Variants in DVL1 observed in about 807,000 individuals in gnomAD.
DVL1 encodes the protein segment polarity protein dishevelled homolog DVL-1.
In DVL1, 49 loss-of-function variants were observed where a neutral mutation model predicts 65.0. That is an observed-to-expected ratio of 0.75 (90% CI 0.60 to 0.96). DVL1 has a LOEUF of 0.96. DVL1 is among the 40% of genes least tolerant of loss of function. The probability of loss-of-function intolerance (pLI) is 0.00; values close to 1 mark genes in which losing one functional copy is unlikely to be tolerated. For missense variants in DVL1, 1,197 were observed against 1,045.4 expected (o/e 1.15, Z -2.00); for synonymous variants, 608 against 433.9 (o/e 1.40, Z -4.99).
rs764152283 is a variant in DVL1, at chr1:1,337,962, G to GGGC, written c.1714+12_1714+14dup. 12 of 1,607,210 alleles carry GGGC rather than the reference G, an allele frequency of 7.5e-6. No individual in the cohort carries two copies. In the South Asian group the frequency reaches 1.3e-4, roughly 18 times the overall value. On this transcript the variant is annotated intron_variant, in intron 14 of 14. Coordinates refer to ENST00000378888, the MANE Select transcript of DVL1 (RefSeq NM_001330311.2). ...GGCGGAGCCGGGGAAGGGCAGGTAG[G>GGGC]GGCGGCGTTCTCACCTTCACTCTGC...
In DVL1 at chr1:1,339,732, T is replaced by C; in HGVS notation, c.986+4A>G. On this transcript the variant is annotated splice_donor_region_variant and intron_variant, in intron 9 of 14. Transcript: ENST00000378888. ...CCTCCCGCTCCAGCGCCCCCAGCCC[T>C]CACCCCGTCTGGGAAACGATCTCCC... The C allele has an allele frequency of 6.2e-7, 1 of 1,611,728 alleles. No individual in the cohort carries two copies. The highest frequency in any genetic ancestry group is 8.5e-7 in the Non-Finnish European group (1 of 1,179,572).
At chr1:1,337,899 C>T (rs1163261264) in intron 14 of DVL1, 78 bp downstream of exon 14, 2 of 1,162,718 alleles carry the variant, frequency 1.7e-6, no homozygotes, top group African/African-American at 1.6e-5. Context: ...TGGGGTGGAA[C>T]TGGGGGCGGA....
intron 14 of DVL1, chr1:1,337,645 G>A (rs555530462): frequency 8.2e-6 from 4 of 487,536 alleles, no homozygotes; most frequent in South Asian, 5.8e-5. Flanking sequence ...AGGCCGCCAG[G>A]CTCCTGGAGG....
intron 5 of DVL1, 114 bp from the exon 6 acceptor site, chr1:1,340,617 C>T: frequency 8.6e-7 from 1 of 1,164,114 alleles, no homozygotes; most frequent in South Asian, 1.4e-5. Flanking sequence ...TGTTCCAAAG[C>T]AGGCTCAGTG....
Position 1,348,760 on chromosome 1 carries a change from C to G in DVL1, c.170+136G>C, listed in dbSNP as rs1207867789. ...CACGGGCCGAGGCCGCCACCCGCGC[C>G]GCATCTAGCGGAGGCGCGTCGCGGT... On this transcript the variant is annotated intron_variant, in intron 1 of 14. Coordinates refer to ENST00000378888, the MANE Select transcript of DVL1 (RefSeq NM_001330311.2). 8.3e-6 allele frequency: 6 copies of G among 724,612 alleles called. No homozygotes were observed. The South Asian group carries it at 4.1e-4, about 49-fold the overall frequency. The allele number at this position is 724,612 out of a possible 1,614,324, so 44.9% of individuals were successfully genotyped here.
At chr1:1,343,967 GCAGA>G (rs1643882858) in intron 1 of DVL1, among the ~76,000 whole-genome samples, 3 of 152,164 alleles carry the variant, frequency 2.0e-5, no homozygotes, top group African/African-American at 7.2e-5. Context: ...CAGGCAGGCC[GCAGA>G]GGGTCAGGGG....
Position 1,336,331 on chromosome 1 carries a change from C to T in DVL1, c.1899G>A (p.Gln633=), listed in dbSNP as rs1643571043. Residue 633 remains glutamine, a synonymous_variant, in exon 15 of 15, where the codon CAG becomes CAA. Coordinates refer to ENST00000378888, the MANE Select transcript of DVL1 (RefSeq NM_001330311.2). ...GGAGCCCCGGGGCGGTAGCCGAGGC[C>T]TGACTGCGTGGGCTGCTGCCACGGC... ...QLSRGSSPRS[Q]ASATAPGLPP... The T allele has an allele frequency of 6.3e-7, 1 of 1,588,296 alleles. No homozygotes were observed. The highest frequency in any genetic ancestry group is 8.5e-7 in the Non-Finnish European group (1 of 1,174,334).
chr1:1,339,891 C>T, intron 8 of DVL1, 79 bp from the exon 9 acceptor site: 2 of 1,579,282 alleles, frequency 1.3e-6, no homozygotes, highest in East Asian at 2.3e-5. Flanking sequence ...CCCACAGCCG[C>T]ATGTCCCCCA....
At chr1:1,338,234 T>TCCCCCCCCCC in intron 13 of DVL1, 35 bp downstream of exon 13, 2 of 446,454 alleles carry the variant, frequency 4.5e-6, no homozygotes, top group African/African-American at 3.2e-5. Flanking sequence ...GGCGTTCCCC[T>TCCCCCCCCCC]CCCCCCCGCC....
At position 1,349,047 on chromosome 1, in the gene DVL1, TA is replaced by T; in HGVS notation, c.18del (p.Ile7SerfsTer53). The T allele has an allele frequency of 2.6e-6, 4 of 1,537,698 alleles. No individual in the cohort carries two copies. Among genetic ancestry groups the T allele is most frequent in the Non-Finnish European group, 2.6e-6 (3 of 1,138,150 alleles). MAETK[I>X]IYHMDEEETP... ...GTCTCCTCCTCGTCCATGTGGTAGA[TA>T]ATCTTGGTCTCCGCCATGGCGCGGC... On this transcript the variant is annotated frameshift_variant, in exon 1 of 15. Coordinates refer to ENST00000378888, the MANE Select transcript of DVL1 (RefSeq NM_001330311.2). LOFTEE classifies it high-confidence loss of function. This position sits in a 1 kb window ranked among gnomAD's most constrained non-coding sequence, Gnocchi z 4.1.
At chr1:1,344,052 C>G (rs969438216) in intron 1 of DVL1, among the ~76,000 whole-genome samples, 1 of 152,154 alleles carries the variant, frequency 6.6e-6, no homozygotes, top group Non-Finnish European at 1.5e-5. Context: ...CCACACGGCA[C>G]AGAGGGGATG....
chr1:1,340,444 CG>C lies in DVL1; in HGVS notation c.664del (p.Arg222GlyfsTer19). On this transcript the variant is annotated frameshift_variant, in exon 6 of 15. Transcript: ENST00000378888. LOFTEE classifies it high-confidence loss of function. Reference protein sequence around the residue: ...SSRLIRKHKRRRRKQRLRQAD... With the variant: ...SSRLIRKHKRXRRKQRLRQAD... The stretch of plus-strand genomic sequence containing the variant: ...CTGCCGAAGGCGCTGCTTCCTCCGC[CG>C]GCGTTTGTGCTTCCGGATGAGTCTG... 6.2e-7 allele frequency: 1 copy of C among 1,612,164 alleles called. No individual in the cohort carries two copies. Among genetic ancestry groups the C allele is most frequent in the Non-Finnish European group, 8.5e-7 (1 of 1,179,354 alleles).
intron 1 of DVL1, among the ~76,000 whole-genome samples, chr1:1,347,799 G>T (rs1359396343): frequency 6.6e-6 from 1 of 152,098 alleles, no homozygotes; most frequent in Non-Finnish European, 1.5e-5. Flanking sequence ...AGCCGAGTGG[G>T]GAGCGCCCAG....
intron 1 of DVL1, among the ~76,000 whole-genome samples, chr1:1,347,554 G>A (rs767743381): frequency 2.0e-5 from 3 of 152,214 alleles, no homozygotes; most frequent in Non-Finnish European, 2.9e-5. Flanking sequence ...GCATTTCCTG[G>A]TGGCACACAT....
rs1557661851 is a variant in DVL1 at position 1,336,373 on chromosome 1, ACG to A, written c.1855_1856del (p.Arg619SerfsTer87). ...PSGVGSSWRERPAGQLSRGSS... is the reference protein window; with the variant it reads ...PSGVGSSWREXPAGQLSRGSS... Reference sequence around the variant, plus strand: ...TGCCACGGCTGAGCTGGCCGGCCGGACGCTCTCGCCAGCTGCTCCCCACCCCA... The same window carrying A: ...TGCCACGGCTGAGCTGGCCGGCCGGACTCTCGCCAGCTGCTCCCCACCCCA... On this transcript the variant is annotated frameshift_variant, in exon 15 of 15. Transcript: ENST00000378888. LOFTEE classifies it low-confidence loss of function (END_TRUNC). 1 of 1,597,824 alleles carries A rather than the reference ACG, an allele frequency of 6.3e-7. No individual in the cohort carries two copies. Among genetic ancestry groups the A allele is most frequent in the South Asian group, 1.1e-5 (1 of 90,836 alleles).
chr1:1,338,614 C>G lies in DVL1; in HGVS notation c.1247G>C (p.Ser416Thr). The G allele has an allele frequency of 1.2e-6, 2 of 1,611,988 alleles. No individual in the cohort carries two copies. The highest frequency in any genetic ancestry group is 8.5e-7 in the Non-Finnish European group (1 of 1,179,852). Residue 416 changes from serine (S) to threonine (T), a missense_variant, in exon 12 of 15, where the codon AGC becomes ACC. Transcript: ENST00000378888. The part of the protein sequence containing the change: ...EAPLTVKSDM[S>T]AVVRVMQLPD... ...CAGCTGCATGACCCGGACGACGGCG[C>G]TCATGTCACTCTTCACCGTCAGCGG...
intron 14 of DVL1, chr1:1,337,678 G>C (rs898766648): frequency 1.7e-6 from 1 of 582,894 alleles, no homozygotes; most frequent in South Asian, 1.7e-5. Context: ...ATCCCACCCA[G>C]ATGAGGTGGG....
rs138300056 is a variant in DVL1, at chr1:1,341,267, C to T, written c.605+400G>A. Among the ~76,000 whole-genome samples the T allele has an allele frequency of 3.5e-3, 536 of 151,652 alleles. 4 individuals are homozygous for T. Among genetic ancestry groups the T allele is most frequent in the African/African-American group, 0.012 (503 of 41,332 alleles). On this transcript the variant is annotated intron_variant, in intron 5 of 14. Transcript: ENST00000378888. The stretch of plus-strand genomic sequence containing the variant: ...CACGCGTGCATTGTGAAAACGCTCA[C>T]GTGCACACTGTGAAAACGCACCTCA...
rs1177590990 is a variant in DVL1, at chr1:1,339,721, GC to G, written c.986+14del. On this transcript the variant is annotated intron_variant, in intron 9 of 14. Coordinates refer to ENST00000378888, the MANE Select transcript of DVL1 (RefSeq NM_001330311.2). ...CCTGCCTGGCCCCTCCCGCTCCAGC[GC>G]CCCCAGCCCTCACCCCGTCTGGGAA... 13 of 1,612,606 alleles carry G rather than the reference GC, an allele frequency of 8.1e-6. No homozygotes were observed. The highest frequency in any genetic ancestry group is 1.3e-5 in the African/African-American group (1 of 74,868).
Sources: gnomAD v4.1 joint callset for allele counts (sites outside exome capture counted in the v4.1 genomes callset) on GRCh38, gnomAD v4.1.1 for gene constraint, Gnocchi (gnomAD v3.1) non-coding constraint, MANE v1.5 for transcripts, NCBI Gene and HGNC (gene_info 2026-07-23, HGNC 2026-07-21) for gene names.